Variants in NEK1 observed in about 807,000 individuals in gnomAD.
NEK1 encodes the protein serine/threonine-protein kinase Nek1.
Under a neutral mutation model 182.1 loss-of-function variants are expected in NEK1, and 137 were observed. The ratio of observed to expected loss-of-function variants is 0.75; its 90% CI spans 0.65 to 0.87. The LOEUF is 0.87. Ranked by LOEUF, NEK1 falls within the 40% of genes least tolerant of loss-of-function variation. The pLI is 0.00. For missense variants in NEK1, 1,391 were observed against 1,494.4 expected (o/e 0.93, Z 1.14); for synonymous variants, 513 against 492.2 (o/e 1.04, Z -0.56).
chr4:169,441,555 C>T lies in NEK1; in HGVS notation c.2588-3296G>A, dbSNP rs144047376. On this transcript the variant is annotated intron_variant, in intron 27 of 35. Transcript: ENST00000507142. ...TGCAGTCTGGGGTCCTGGGGGTAGA[C>T]CTACTGTGCTAAGCACAACCTGTGC... Among the ~76,000 whole-genome samples, 305 of 152,296 alleles carry T rather than the reference C, an allele frequency of 2.0e-3. 3 individuals carry two copies. The highest frequency in any genetic ancestry group is 6.7e-3 in the African/African-American group (278 of 41,564).
intron 31 of NEK1, among the ~76,000 whole-genome samples, chr4:169,409,535 G>A (rs952988347): frequency 9.2e-5 from 14 of 152,156 alleles, no homozygotes; most frequent in South Asian, 4.1e-4. Context: ...TTGGGAGGCC[G>A]AGGCAGATGG....
At chr4:169,410,290 A>G (rs1281018086) in intron 31 of NEK1, among the ~76,000 whole-genome samples, 1 of 152,194 alleles carries the variant, frequency 6.6e-6, no homozygotes, top group East Asian at 1.9e-4. Context: ...AGGAAACCTT[A>G]AAATGTTTCC....
rs375385747 is a variant in NEK1, at chr4:169,463,217, T to C, written c.2587+26A>G. Reference sequence around the variant, plus strand: ...ATTTTTAATAATATTACTTCTAGTATAGAAAAACTACCAGTTTCTCCTTAC... The same window carrying C: ...ATTTTTAATAATATTACTTCTAGTACAGAAAAACTACCAGTTTCTCCTTAC... On this transcript the variant is annotated intron_variant, in intron 27 of 35. Transcript: ENST00000507142. The C allele has an allele frequency of 2.8e-5, 38 of 1,343,360 alleles. No homozygotes were observed. The African/African-American group carries it at 5.2e-4, about 18-fold the overall frequency. The allele number at this position is 1,343,360 out of a possible 1,614,324, so 83.2% of individuals were successfully genotyped here. A position where few individuals can be genotyped will look rare whatever the true frequency, so the allele number is the denominator to read the frequency against.
Position 169,556,106 on chromosome 4 carries a change from A to C in NEK1, c.1267-11T>G, listed in dbSNP as rs1762129496. On this transcript the variant is annotated splice_polypyrimidine_tract_variant and intron_variant, in intron 16 of 35. Transcript: ENST00000507142. ...GCCCAGAAAAGGAGCCTAGGGATTA[A>C]ACAAAGAGCTCTCACATGTTTATCT... 2 of 1,607,326 alleles carry C rather than the reference A, an allele frequency of 1.2e-6. No homozygotes were observed. Among genetic ancestry groups the C allele is most frequent in the Admixed American group, 3.4e-5 (2 of 58,496 alleles).
At chr4:169,571,712 G>A (rs914386057) in intron 12 of NEK1, among the ~76,000 whole-genome samples, 1 of 152,010 alleles carries the variant, frequency 6.6e-6, no homozygotes, top group African/African-American at 2.4e-5. Flanking sequence ...GGGCTTTGTA[G>A]ACAGTTGTAA....
intron 23 of NEK1, among the ~76,000 whole-genome samples, chr4:169,486,643 A>C (rs1019038023): frequency 6.6e-6 from 1 of 152,216 alleles, no homozygotes; most frequent in African/African-American, 2.4e-5. Context: ...CAATAGTATA[A>C]AAGTATTTGT....
intron 27 of NEK1, among the ~76,000 whole-genome samples, chr4:169,451,864 CA>C (rs1418865785): frequency 6.6e-6 from 1 of 151,972 alleles, no homozygotes; most frequent in Non-Finnish European, 1.5e-5. Flanking sequence ...TTGAAAAGAT[CA>C]ACAAAATTGA....
intron 2 of NEK1, among the ~76,000 whole-genome samples, chr4:169,608,599 C>T (rs538969342): frequency 7.2e-5 from 11 of 152,084 alleles, no homozygotes; most frequent in Non-Finnish European, 1.5e-4. Flanking sequence ...GCTATTACAA[C>T]GATCTCATTT....
chr4:169,439,582 G>C (rs139272882), intron 27 of NEK1, among the ~76,000 whole-genome samples: 42 of 152,178 alleles, frequency 2.8e-4, no homozygotes, highest in African/African-American at 9.9e-4. Context: ...TTAACACCAG[G>C]AATCAGGATA....
intron 12 of NEK1, among the ~76,000 whole-genome samples, chr4:169,563,231 C>CGG (rs1763194351): frequency 6.6e-6 from 1 of 151,762 alleles, no homozygotes; most frequent in Admixed American, 6.6e-5. Flanking sequence ...GCATGTGGCC[C>CGG]ACACCTGTTG....
intron 27 of NEK1, among the ~76,000 whole-genome samples, chr4:169,445,214 TTAGAGATCGGCCTG>T (rs1232033716): frequency 6.6e-6 from 1 of 151,864 alleles, no homozygotes; most frequent in Non-Finnish European, 1.5e-5. Flanking sequence ...AGGCCAGGAG[TTAGAGATCGGCCTG>T]GGCAACAAAG....
intron 23 of NEK1, among the ~76,000 whole-genome samples, chr4:169,503,457 A>G (rs1752739636): frequency 6.6e-6 from 1 of 152,162 alleles, no homozygotes; most frequent in Non-Finnish European, 1.5e-5. Context: ...GAATCACATT[A>G]CCTGACCTCG....
chr4:169,515,456 A>C (rs1253073415), intron 19 of NEK1, among the ~76,000 whole-genome samples: 1 of 151,286 alleles, frequency 6.6e-6, no homozygotes, highest in Non-Finnish European at 1.5e-5. Flanking sequence ...TATATTTTAA[A>C]GTATGGTTAT....
intron 10 of NEK1, among the ~76,000 whole-genome samples, chr4:169,584,202 C>T (rs1767142323): frequency 6.6e-6 from 1 of 151,570 alleles, no homozygotes; most frequent in Non-Finnish European, 1.5e-5. Flanking sequence ...TATGCACCTA[C>T]ATGTGTGCAC....
intron 5 of NEK1, among the ~76,000 whole-genome samples, chr4:169,597,609 T>C (rs572661048): frequency 1.3e-5 from 2 of 152,152 alleles, no homozygotes; most frequent in South Asian, 4.2e-4. Flanking sequence ...GCACTCCAGC[T>C]GGGGTGACAG....
chr4:169,549,890 A>G (rs1396663686), intron 18 of NEK1, among the ~76,000 whole-genome samples: 1 of 151,848 alleles, frequency 6.6e-6, no homozygotes, highest in Non-Finnish European at 1.5e-5. Context: ...CAGTTCATTT[A>G]TTTATTTATT....
rs1048554551 is a variant in NEK1 at position 169,413,908 on chromosome 4, T to C, written c.3223-7161A>G. Among the ~76,000 whole-genome samples, 3 of 152,126 alleles carry C rather than the reference T, an allele frequency of 2.0e-5. No homozygotes were observed. The East Asian group carries it at 5.8e-4, about 29-fold the overall frequency. ...GGTGGGTGCCTGTAATCCCAGCTGC[T>C]TGGGAGGCTGAGGCAGAAGAATCAC... On this transcript the variant is annotated intron_variant, in intron 31 of 35. Coordinates refer to ENST00000507142, the MANE Select transcript of NEK1 (RefSeq NM_001199397.3).
chr4:169,548,913 G>A (rs1383156340), intron 18 of NEK1, among the ~76,000 whole-genome samples: 1 of 152,250 alleles, frequency 6.6e-6, no homozygotes, highest in Non-Finnish European at 1.5e-5. Flanking sequence ...GCTCTGTGGG[G>A]GTGGGACCCA....
At chr4:169,507,900 G>T in intron 21 of NEK1, 108 bp from the exon 22 acceptor site, 1 of 862,034 alleles carries the variant, frequency 1.2e-6, no homozygotes, top group Non-Finnish European at 1.8e-6. Flanking sequence ...AATATAAAAT[G>T]GAAATCATTT....
Sources: allele counts gnomAD v4.1 joint callset (sites outside exome capture counted in the v4.1 genomes callset), GRCh38; gene constraint gnomAD v4.1.1; transcripts MANE v1.5; gene names NCBI Gene and HGNC (gene_info 2026-07-23, HGNC 2026-07-21).